DLG3: variants seen among roughly 807,000 people sequenced by gnomAD.
The protein encoded by DLG3 is disks large homolog 3.
Under a neutral mutation model 64.1 loss-of-function variants are expected in DLG3, and 1 was observed. The observed-to-expected ratio is 0.02, with a 90% confidence interval of 0.01 to 0.07. The LOEUF (loss-of-function observed/expected upper bound fraction) is 0.07. Ranked by LOEUF, DLG3 falls within the 10% of genes least tolerant of loss-of-function variation. The pLI is 1.00. For missense variants in DLG3, 429 were observed against 669.5 expected, an observed-to-expected ratio of 0.64 and a Z score of 3.96; for synonymous variants, 245 against 259.8, an observed-to-expected ratio of 0.94 and a Z score of 0.55.
Position 70,500,527 on chromosome X carries a change from A to G in DLG3, c.2202A>G (p.Ala734=). The change falls in exon 17 of 19, where the codon GCA becomes GCG. Residue 734 remains alanine, a synonymous_variant. Coordinates refer to ENST00000374360, the MANE Select transcript of DLG3 (RefSeq NM_021120.4). ...ATGCTATCAAGAGACTGCAGCAAGCACAACTTTACCCCATTGCCATTTTCA... is the reference window on the plus strand; with the variant it reads ...ATGCTATCAAGAGACTGCAGCAAGCGCAACTTTACCCCATTGCCATTTTCA... The part of the protein sequence containing the change: ...SGNAIKRLQQ[A]QLYPIAIFIK... 8.3e-7 allele frequency: 1 copy of G among 1,211,384 alleles called. No homozygotes were observed. The highest frequency in any genetic ancestry group is 1.8e-5 in the South Asian group (1 of 56,943).
intron 13 of DLG3, among the ~76,000 whole-genome samples, chrX:70,498,147 G>A (rs985749023): frequency 3.6e-5 from 4 of 112,158 alleles, no homozygotes; most frequent in African/African-American, 9.7e-5. Context: ...AAGGGGACTC[G>A]GGCAAGCATC....
In DLG3 at chrX:70,498,588, G is replaced by A; in HGVS notation, c.1870+18G>A. 1.7e-6 allele frequency: 2 copies of A among 1,195,588 alleles called. No individual in the cohort carries two copies. The highest frequency in any genetic ancestry group is 2.3e-6 in the Non-Finnish European group (2 of 884,417). Reference sequence around the variant, plus strand: ...GCAAGAAAGTAAGCCTCCTCTGAGAGCCTTGTCTTCGTGCTGGTCTCCTGG... The same window carrying A: ...GCAAGAAAGTAAGCCTCCTCTGAGAACCTTGTCTTCGTGCTGGTCTCCTGG... On this transcript the variant is annotated intron_variant, in intron 14 of 18. Coordinates refer to ENST00000374360, the MANE Select transcript of DLG3 (RefSeq NM_021120.4).
intron 10 of DLG3, among the ~76,000 whole-genome samples, chrX:70,489,496 T>C (rs1282322863): frequency 1.8e-5 from 2 of 110,416 alleles, no homozygotes; most frequent in East Asian, 5.7e-4. Flanking sequence ...AGAGACGGGG[T>C]TTTGCTATGT....
chrX:70,479,115 TTCTTTTCCCA>T lies in DLG3; in HGVS notation c.1406-25_1406-16del, dbSNP rs750682695. On this transcript the variant is annotated intron_variant, in intron 9 of 18. Coordinates refer to ENST00000374360, the MANE Select transcript of DLG3 (RefSeq NM_021120.4). ...AGCTCAGAGGCGCTCCTTGAGTTCA[TTCTTTTCCCA>T]TCTTTTCCCTTGTTTCCGTGACAGA... is the stretch of plus-strand genomic sequence containing the variant. 443 of 1,162,963 alleles carry T rather than the reference TTCTTTTCCCA, an allele frequency of 3.8e-4. 3 individuals are homozygous for T. In the African/African-American group the frequency reaches 6.7e-3, roughly 18 times the overall value.
chrX:70,498,616 G>T lies in DLG3; in HGVS notation c.1870+46G>T, dbSNP rs150419860. 3 of 1,136,194 alleles carry T rather than the reference G, an allele frequency of 2.6e-6. No homozygotes were observed. The African/African-American group carries it at 5.4e-5, about 20-fold the overall frequency. The allele number at this position is 1,136,194 out of a possible 1,213,427, so 93.6% of individuals were successfully genotyped here. On this transcript the variant is annotated intron_variant, in intron 14 of 18. Coordinates refer to ENST00000374360, the MANE Select transcript of DLG3 (RefSeq NM_021120.4). ...TTGTCTTCGTGCTGGTCTCCTGGTC[G>T]TGGGGCTCAATACAGTGGGTGGCTG...
intron 13 of DLG3, chrX:70,497,287 G>A: frequency 9.5e-7 from 1 of 1,052,117 alleles, no homozygotes; most frequent in Non-Finnish European, 1.3e-6. Flanking sequence ...CCTCATTCCA[G>A]TGTTGCACAG....
chrX:70,488,423 G>A (rs953611285), intron 10 of DLG3, among the ~76,000 whole-genome samples: 1 of 112,249 alleles, frequency 8.9e-6, no homozygotes, highest in Non-Finnish European at 1.9e-5. Flanking sequence ...TCTAGATGAG[G>A]CTGTGTGCAT....
chrX:70,498,553 C>T lies in DLG3; in HGVS notation c.1853C>T (p.Pro618Leu). The change falls in exon 14 of 19, where the codon CCA becomes CTA. Residue 618 changes from proline to leucine, a missense_variant. Pro to Leu is a moderately conservative substitution (Grantham distance 98). This residue lies in a region of DLG3 where 46 missense variants were observed against 64.4 expected (regional missense o/e 0.71). Coordinates refer to ENST00000374360, the MANE Select transcript of DLG3 (RefSeq NM_021120.4). ...GAGGATGCTATTTTGTCATATGAGC[C>T]AGTGACACGGCAAGAAAGTAAGCCT... ...GQEDAILSYE[P>L]VTRQEIHYAR... 1 of 1,208,487 alleles carries T rather than the reference C, an allele frequency of 8.3e-7. No individual in the cohort carries two copies. Among genetic ancestry groups the T allele is most frequent in the Non-Finnish European group, 1.1e-6 (1 of 893,754 alleles).
intron 1 of DLG3, among the ~76,000 whole-genome samples, chrX:70,447,237 A>G (rs2086577490): frequency 9.0e-6 from 1 of 111,291 alleles, no homozygotes. Flanking sequence ...TGGGAACGGG[A>G]AGCCTCTGGG....
intron 9 of DLG3, among the ~76,000 whole-genome samples, chrX:70,460,599 T>A (rs939590290): frequency 8.9e-6 from 1 of 112,662 alleles, no homozygotes; most frequent in African/African-American, 3.2e-5. Context: ...TTGTCATTCA[T>A]TTTTTATGAC....
At chrX:70,461,665 G>T (rs1465802595) in intron 9 of DLG3, among the ~76,000 whole-genome samples, 1 of 109,180 alleles carries the variant, frequency 9.2e-6, no homozygotes, top group Admixed American at 9.8e-5. Context: ...CCGCCTCCCA[G>T]GTTCAAGGGA....
chrX:70,445,140 G>A lies in DLG3; in HGVS notation c.-62G>A. 1 of 939,655 alleles carries A rather than the reference G, an allele frequency of 1.1e-6. No homozygotes were observed. Among genetic ancestry groups the A allele is most frequent in the East Asian group, 3.6e-5 (1 of 27,865 alleles). 77.4% of individuals were successfully genotyped at this position (939,655 alleles called of 1,213,427 possible). ...GGCGGCGGCGGCGGCGGTGGTGGCG[G>A]CGGTGGCGGCGGCGTGGAATCCGGC... On this transcript the variant is annotated 5_prime_UTR_variant, in exon 1 of 19. Transcript: ENST00000374360.
At position 70,504,520 on chromosome X, in the gene DLG3, C is replaced by T. The variant is rs1342640068; in HGVS notation, c.*2251C>T. ...GCCGTCCTGGGGATCGGTACAGCTC[C>T]CTGGGGTGGTGACAGGCCCTTTGTG... is the stretch of plus-strand genomic sequence containing the variant. On this transcript the variant is annotated 3_prime_UTR_variant, in exon 19 of 19. Transcript: ENST00000374360. 1 of 111,316 alleles carries T rather than the reference C, an allele frequency of 9.0e-6. No individual in the cohort carries two copies. Among genetic ancestry groups the T allele is most frequent in the Non-Finnish European group, 1.9e-5 (1 of 52,987 alleles). 9.2% of individuals were successfully genotyped at this position (111,316 alleles called of 1,213,427 possible). A position where few individuals can be genotyped will look rare whatever the true frequency, so the allele number is the denominator to read the frequency against.
intron 10 of DLG3, among the ~76,000 whole-genome samples, chrX:70,485,622 T>C (rs1436964470): frequency 8.9e-6 from 1 of 112,117 alleles, no homozygotes; most frequent in Admixed American, 9.4e-5. Flanking sequence ...TCATTTGCTT[T>C]GCATCGAGAA....
At chrX:70,480,896 C>T (rs1181911032) in intron 10 of DLG3, among the ~76,000 whole-genome samples, 2 of 112,196 alleles carry the variant, frequency 1.8e-5, no homozygotes, top group Non-Finnish European at 3.8e-5. Context: ...ATATGGAGCA[C>T]TCTTCCCTGG....
intron 9 of DLG3, among the ~76,000 whole-genome samples, chrX:70,477,957 G>A (rs1480079534): frequency 8.9e-6 from 1 of 111,805 alleles, no homozygotes; most frequent in Non-Finnish European, 1.9e-5. Flanking sequence ...AGGTGGGGAT[G>A]CTTCTTGCCA....
intron 9 of DLG3, among the ~76,000 whole-genome samples, chrX:70,478,717 G>A (rs2087101407): frequency 1.8e-5 from 2 of 111,217 alleles, no homozygotes; most frequent in African/African-American, 3.3e-5. Context: ...CAGCCCCTCC[G>A]CTCTGCGTCT....
chrX:70,488,948 A>G (rs1453452844), intron 10 of DLG3, among the ~76,000 whole-genome samples: 1 of 112,332 alleles, frequency 8.9e-6, no homozygotes, highest in Non-Finnish European at 1.9e-5. Flanking sequence ...AAATTCATCA[A>G]ACAAAATCCA....
chrX:70,479,289 C>G, intron 10 of DLG3, 25 bp downstream of exon 10: 4 of 1,099,498 alleles, frequency 3.6e-6, no homozygotes, highest in Non-Finnish European at 5.0e-6. Flanking sequence ...AGAGCACTAG[C>G]CCTTGTGCTG....
Sources: allele counts gnomAD v4.1 joint callset (sites outside exome capture counted in the v4.1 genomes callset), GRCh38; gene constraint gnomAD v4.1.1; regional missense constraint gnomAD v4.1.1; transcripts MANE v1.5; gene names NCBI Gene and HGNC (gene_info 2026-07-23, HGNC 2026-07-21).